Variants in SLC24A2 observed in about 807,000 individuals in gnomAD.
SLC24A2 encodes solute carrier family 24 member 2.
Under a neutral mutation model 62.0 loss-of-function variants are expected in SLC24A2, and 36 were observed. The observed-to-expected ratio is 0.58, with a 90% CI of 0.44 to 0.77. The LOEUF is 0.77. SLC24A2 is among the 30% of genes least tolerant of loss of function. The probability of loss-of-function intolerance (pLI) is 0.00; values close to 1 mark genes in which losing one functional copy is unlikely to be tolerated. For synonymous variants in SLC24A2, 358 were observed against 294.0 expected, an observed-to-expected ratio of 1.22 and a Z score of -2.23; for missense variants, 846 against 817.9, an observed-to-expected ratio of 1.03 and a Z score of -0.42.
chr9:19,805,756 G>A, the SLC24A2 span, among the ~76,000 whole-genome samples: 1 of 149,138 alleles, frequency 6.7e-6, no homozygotes, highest in African/African-American at 2.5e-5. Flanking sequence ...CTATGAGCTT[G>A]ATACTTTTTT....
At chr9:19,796,073 A>G in the SLC24A2 span, among the ~76,000 whole-genome samples, 2 of 142,394 alleles carry the variant, frequency 1.4e-5, no homozygotes, top group Non-Finnish European at 3.0e-5. Context: ...TTGAACCATG[A>G]GAACACATGG....
chr9:20,230,207 T>C, the SLC24A2 span, among the ~76,000 whole-genome samples: 1 of 152,186 alleles, frequency 6.6e-6, no homozygotes, highest in Non-Finnish European at 1.5e-5. Context: ...TGTGCATGTG[T>C]CTTTATAGCA....
At chr9:19,724,370 G>A (rs1337556957) in intron 2 of SLC24A2, among the ~76,000 whole-genome samples, 1 of 152,130 alleles carries the variant, frequency 6.6e-6, no homozygotes, top group Non-Finnish European at 1.5e-5. Flanking sequence ...GACACAATAA[G>A]AGCAAGTCAT....
intron 2 of SLC24A2, among the ~76,000 whole-genome samples, chr9:19,690,062 C>G (rs912811633): frequency 6.6e-6 from 1 of 152,096 alleles, no homozygotes; most frequent in African/African-American, 2.4e-5. Flanking sequence ...TTTTCTGGCT[C>G]TACAGCTTGT....
chr9:19,633,712 C>T (rs1204437422), intron 2 of SLC24A2, among the ~76,000 whole-genome samples: 3 of 152,064 alleles, frequency 2.0e-5, no homozygotes, highest in Non-Finnish European at 2.9e-5. Flanking sequence ...AACATCTTTT[C>T]GTGTGCTTAT....
At chr9:19,531,700 C>T (rs1194671604) in intron 8 of SLC24A2, among the ~76,000 whole-genome samples, 1 of 140,866 alleles carries the variant, frequency 7.1e-6, no homozygotes, top group Non-Finnish European at 1.5e-5. Context: ...AGACCCCCCC[C>T]CACCCCCCAA....
chr9:20,021,591 A>G, the SLC24A2 span, among the ~76,000 whole-genome samples: 1 of 151,970 alleles, frequency 6.6e-6, no homozygotes, highest in East Asian at 1.9e-4. Flanking sequence ...CAGAATCATC[A>G]TGGCAGTACC....
the SLC24A2 span, among the ~76,000 whole-genome samples, chr9:20,039,173 A>T: frequency 1.3e-5 from 2 of 152,168 alleles, no homozygotes; most frequent in African/African-American, 4.8e-5. Flanking sequence ...GCTGGCCCTG[A>T]GTTTTAGCCC....
chr9:20,102,055 C>A, the SLC24A2 span, among the ~76,000 whole-genome samples: 18 of 152,246 alleles, frequency 1.2e-4, no homozygotes, highest in South Asian at 1.0e-3. Flanking sequence ...AATGAAACAC[C>A]CTGTGGTAGC....
At chr9:20,238,395 A>G in the SLC24A2 span, among the ~76,000 whole-genome samples, 1 of 152,146 alleles carries the variant, frequency 6.6e-6, no homozygotes, top group Non-Finnish European at 1.5e-5. Flanking sequence ...CAACATTTAA[A>G]TTTCCTTTAG....
At chr9:19,944,967 C>T in the SLC24A2 span, among the ~76,000 whole-genome samples, 1 of 152,160 alleles carries the variant, frequency 6.6e-6, no homozygotes, top group Non-Finnish European at 1.5e-5. Flanking sequence ...TCAGTAATCT[C>T]TCTCTAATTT....
At chr9:19,850,967 G>GTATATATACATATATATATATA in the SLC24A2 span, among the ~76,000 whole-genome samples, 1 of 18,184 alleles carries the variant, frequency 5.5e-5, no homozygotes, top group South Asian at 1.1e-3. Flanking sequence ...ATATATATAT[G>GTATATATACATATATATATATA]TATATATATA....
At chr9:20,168,464 C>T in the SLC24A2 span, among the ~76,000 whole-genome samples, 3 of 151,636 alleles carry the variant, frequency 2.0e-5, no homozygotes, top group East Asian at 1.9e-4. Context: ...CATGTATCTG[C>T]TAATTAATAT....
the SLC24A2 span, among the ~76,000 whole-genome samples, chr9:20,052,506 A>G: frequency 6.6e-6 from 1 of 152,132 alleles, no homozygotes; most frequent in African/African-American, 2.4e-5. Flanking sequence ...TAACTCCTTG[A>G]TCTTCTTCTG....
intron 7 of SLC24A2, 65 bp downstream of exon 7, chr9:19,573,286 G>C (rs2148951): frequency 0.094 from 103,601 of 1,099,550 alleles, 5,739 homozygotes; most frequent in African/African-American, 0.17. Context: ...TATAGGGTCT[G>C]TGCTGCCACG....
At chr9:19,939,090 T>A in the SLC24A2 span, among the ~76,000 whole-genome samples, 4 of 152,260 alleles carry the variant, frequency 2.6e-5, no homozygotes, top group Admixed American at 2.6e-4. Flanking sequence ...GTAGGTGATA[T>A]CTGTCTTCTT....
At chr9:19,607,234 C>A (rs1837008724) in intron 4 of SLC24A2, among the ~76,000 whole-genome samples, 1 of 152,200 alleles carries the variant, frequency 6.6e-6, no homozygotes, top group Admixed American at 6.5e-5. Flanking sequence ...TGCCCCCATC[C>A]TTTGGTCCCC....
intron 2 of SLC24A2, among the ~76,000 whole-genome samples, chr9:19,701,887 A>C (rs1342489488): frequency 2.0e-5 from 3 of 152,190 alleles, no homozygotes; most frequent in African/African-American, 4.8e-5. Context: ...CTTTGGCACA[A>C]TCCAAATCTA....
the SLC24A2 span, among the ~76,000 whole-genome samples, chr9:20,196,505 T>C: frequency 6.6e-6 from 1 of 152,212 alleles, no homozygotes; most frequent in East Asian, 1.9e-4. Context: ...CACTTTAAAA[T>C]CGGGATTTAG....
Sources: allele counts gnomAD v4.1 joint callset (sites outside exome capture counted in the v4.1 genomes callset), GRCh38; gene constraint gnomAD v4.1.1; transcripts MANE v1.5; gene names NCBI Gene and HGNC (gene_info 2026-07-23, HGNC 2026-07-21).